The following LDB2 variants were observed in gnomAD, a reference collection of about 807,000 sequenced individuals.
LDB2 encodes LIM domain binding 2.
A neutral mutation model predicts 44.3 loss-of-function variants in LDB2; 12 were observed. The observed-to-expected ratio is 0.27, with a 90% CI of 0.17 to 0.44. LDB2 has a LOEUF of 0.44. LDB2 is among the 20% of genes least tolerant of loss of function. LDB2 has a pLI of 1.00. For missense variants in LDB2, 344 were observed against 473.5 expected (o/e 0.73, Z 2.54); for synonymous variants, 164 against 174.8 (o/e 0.94, Z 0.49).
At chr4:16,597,001 A>T (rs548692801) in intron 2 of LDB2, among the ~76,000 whole-genome samples, 76 of 152,350 alleles carry the variant, frequency 5.0e-4, no homozygotes, top group African/African-American at 1.7e-3. Flanking sequence ...AAAGACAAAA[A>T]TAATATTTAA....
chr4:16,515,850 TTTA>T (rs1207397527), intron 5 of LDB2, among the ~76,000 whole-genome samples: 10 of 149,876 alleles, frequency 6.7e-5, no homozygotes, highest in Admixed American at 2.6e-4. Flanking sequence ...ATTTATTTAT[TTTA>T]TTATTTATTT....
intron 1 of LDB2, among the ~76,000 whole-genome samples, chr4:16,856,797 T>C (rs1287783448): frequency 6.6e-6 from 1 of 152,190 alleles, no homozygotes; most frequent in Non-Finnish European, 1.5e-5. Flanking sequence ...TTCTTTATTT[T>C]ATAGAGGAAG....
At chr4:16,524,799 A>G (rs1440603332) in intron 5 of LDB2, among the ~76,000 whole-genome samples, 2 of 152,190 alleles carry the variant, frequency 1.3e-5, no homozygotes, top group African/African-American at 4.8e-5. Context: ...CAAAGCACCA[A>G]ATATCCCAAA....
chr4:16,791,781 T>C (rs542713021), intron 1 of LDB2, among the ~76,000 whole-genome samples: 1 of 152,258 alleles, frequency 6.6e-6, no homozygotes, highest in South Asian at 2.1e-4. Context: ...ACCAGCACTT[T>C]ATTGAAGATT....
At chr4:16,712,818 A>T (rs961563738) in intron 2 of LDB2, among the ~76,000 whole-genome samples, 4 of 152,346 alleles carry the variant, frequency 2.6e-5, no homozygotes, top group Admixed American at 6.5e-5. Flanking sequence ...AATGTTATGC[A>T]TCAAACTATC....
intron 5 of LDB2, among the ~76,000 whole-genome samples, chr4:16,518,014 T>C (rs1724505312): frequency 6.6e-6 from 1 of 152,208 alleles, no homozygotes; most frequent in Non-Finnish European, 1.5e-5. Context: ...TCTGAAGTGA[T>C]GAATTTGTTC....
intron 2 of LDB2, among the ~76,000 whole-genome samples, chr4:16,728,665 A>T (rs1220292910): frequency 1.3e-5 from 2 of 152,228 alleles, no homozygotes; most frequent in East Asian, 1.9e-4. Flanking sequence ...TTTTCTAGCC[A>T]ACTGCAATAT....
chr4:16,515,868 A>AT (rs1560330946), intron 5 of LDB2, among the ~76,000 whole-genome samples: 13 of 151,142 alleles, frequency 8.6e-5, no homozygotes, highest in African/African-American at 3.2e-4. Flanking sequence ...TTATTTATTT[A>AT]TTTATTTATT....
At chr4:16,561,973 A>T (rs532848410) in intron 5 of LDB2, among the ~76,000 whole-genome samples, 1 of 152,354 alleles carries the variant, frequency 6.6e-6, no homozygotes, top group East Asian at 1.9e-4. Context: ...TGGGGAAAGG[A>T]TTCCCTATTT....
chr4:16,755,555 G>C (rs1464242917), intron 2 of LDB2, among the ~76,000 whole-genome samples: 2 of 97,428 alleles, frequency 2.1e-5, no homozygotes, highest in African/African-American at 6.1e-5. Context: ...GACAGACAGA[G>C]AGAGAGAGAG....
chr4:16,759,607 C>A (rs1387289370), intron 1 of LDB2, among the ~76,000 whole-genome samples: 1 of 151,830 alleles, frequency 6.6e-6, no homozygotes, highest in East Asian at 1.9e-4. Flanking sequence ...TTTTCTCTTT[C>A]TCTCTCTCTG....
intron 1 of LDB2, among the ~76,000 whole-genome samples, chr4:16,770,699 A>G (rs575549170): frequency 1.2e-4 from 18 of 152,296 alleles, no homozygotes; most frequent in African/African-American, 4.1e-4. Context: ...TCTCTACTCT[A>G]TACTATTCTA....
chr4:16,794,659 T>A (rs1304694140), intron 1 of LDB2, among the ~76,000 whole-genome samples: 1 of 152,226 alleles, frequency 6.6e-6, no homozygotes, highest in Non-Finnish European at 1.5e-5. Flanking sequence ...AATTGATACA[T>A]TTAAAGAGCA....
intron 1 of LDB2, among the ~76,000 whole-genome samples, chr4:16,893,753 C>T (rs1450905346): frequency 6.6e-6 from 1 of 151,590 alleles, no homozygotes; most frequent in East Asian, 1.9e-4. Flanking sequence ...AGGAAAAATA[C>T]ATAACGGAAC....
intron 2 of LDB2, among the ~76,000 whole-genome samples, chr4:16,671,108 C>CAAA (rs200098086): frequency 2.7e-5 from 3 of 111,534 alleles, no homozygotes; most frequent in Non-Finnish European, 6.1e-5. Context: ...ATAGCACATA[C>CAAA]AAAAAAAAAA....
At chr4:16,855,466 T>C (rs966544114) in intron 1 of LDB2, among the ~76,000 whole-genome samples, 1 of 152,166 alleles carries the variant, frequency 6.6e-6, no homozygotes, top group Admixed American at 6.5e-5. Context: ...TGTATGATTG[T>C]TGCAAGCTCA....
chr4:16,603,139 C>CT (rs1184360820), intron 2 of LDB2, among the ~76,000 whole-genome samples: 1 of 152,148 alleles, frequency 6.6e-6, no homozygotes, highest in Non-Finnish European at 1.5e-5. Context: ...CGACTTTGAT[C>CT]TAAAGTACTG....
chr4:16,734,693 T>C (rs1208925795), intron 2 of LDB2, among the ~76,000 whole-genome samples: 1 of 134,976 alleles, frequency 7.4e-6, no homozygotes, highest in African/African-American at 2.8e-5. Flanking sequence ...GCTTCCCAAC[T>C]TCTTGTTTTC....
intron 1 of LDB2, among the ~76,000 whole-genome samples, chr4:16,779,492 A>C (rs974271898): frequency 2.6e-5 from 4 of 152,088 alleles, no homozygotes; most frequent in Non-Finnish European, 5.9e-5. Context: ...CCCACCTGCC[A>C]CCTTGGCCAA....
Sources: gnomAD v4.1 joint callset for allele counts (sites outside exome capture counted in the v4.1 genomes callset) on GRCh38, gnomAD v4.1.1 for gene constraint, MANE v1.5 for transcripts, NCBI Gene and HGNC (gene_info 2026-07-23, HGNC 2026-07-21) for gene names.